Variants in ZBED6 observed in about 807,000 individuals in gnomAD.
The protein encoded by ZBED6 is zinc finger BED-type containing 6.
In ZBED6, 40 loss-of-function variants were observed where a neutral mutation model predicts 58.4. The ratio of observed to expected loss-of-function variants is 0.68; its 90% confidence interval spans 0.53 to 0.89. ZBED6 has a LOEUF of 0.89. ZBED6 is among the 40% of genes least tolerant of loss of function. The pLI is 0.00. For missense variants in ZBED6, 1,057 were observed against 1,003.9 expected (o/e 1.05, Z -0.71); for synonymous variants, 439 against 350.6 (o/e 1.25, Z -2.82).
chr1:203,849,980 A>G, exon 14 of ZBED6: 1 of 1,614,054 alleles, frequency 6.2e-7, no homozygotes, highest in Non-Finnish European at 8.5e-7. Context: ...GAGACTCATT[A>G]TTGAATGTGA....
exon 1 of ZBED6, chr1:203,797,850 G>A: frequency 5.2e-6 from 8 of 1,536,122 alleles, no homozygotes; most frequent in Non-Finnish European, 7.0e-6. Context: ...CCCTGAGCAG[G>A]ATGAAGAAAG....
chr1:203,837,981 C>T, exon 10 of ZBED6: 1 of 1,613,472 alleles, frequency 6.2e-7, no homozygotes, highest in African/African-American at 1.3e-5. Flanking sequence ...GACAGTGATC[C>T]TCCATTAAAG....
intron 1 of ZBED6, among the ~76,000 whole-genome samples, chr1:203,815,561 A>G (rs1041238158): frequency 2.0e-5 from 3 of 151,956 alleles, no homozygotes; most frequent in African/African-American, 7.2e-5. Flanking sequence ...TTTATTGTGC[A>G]TTGTTACCTT....
intron 1 of ZBED6, chr1:203,805,560 A>C: frequency 1.7e-6 from 1 of 594,478 alleles, no homozygotes; most frequent in Non-Finnish European, 3.3e-6. Flanking sequence ...GTAAATTTGG[A>C]AAGATCAGTA....
exon 17 of ZBED6, chr1:203,852,292 C>T: frequency 1.2e-6 from 2 of 1,613,604 alleles, no homozygotes; most frequent in South Asian, 1.1e-5. Context: ...TTTTGAGAAA[C>T]TAATATGGGA....
intron 13 of ZBED6, 46 bp downstream of exon 13, chr1:203,848,453 C>G (rs1443294839): frequency 6.9e-7 from 1 of 1,445,716 alleles, no homozygotes; most frequent in South Asian, 1.2e-5. Context: ...CAAACAAAGG[C>G]TAGATAATTG....
At chr1:203,838,040 A>G in exon 10 of ZBED6, 1 of 1,614,238 alleles carries the variant, frequency 6.2e-7, no homozygotes, top group Non-Finnish European at 8.5e-7. Context: ...TCCAGAAACT[A>G]ACATTGACAA....
exon 1 of ZBED6, chr1:203,796,133 A>C (rs773940136): frequency 4.5e-6 from 1 of 220,194 alleles, no homozygotes; most frequent in Non-Finnish European, 8.9e-6. Flanking sequence ...AGCCCGGAGC[A>C]GCCCCGAAAA....
chr1:203,851,522 G>A (rs923302782), intron 16 of ZBED6, among the ~76,000 whole-genome samples: 7 of 152,072 alleles, frequency 4.6e-5, no homozygotes, highest in African/African-American at 1.7e-4. Flanking sequence ...TAGTGACAGG[G>A]TTTTGCCACA....
rs966161042 is a variant in ZBED6 at position 203,796,258 on chromosome 1, G to A, written c.-1265G>A. On this transcript the variant is annotated 5_prime_UTR_variant, in exon 1 of 17. Transcript: ENST00000550078. ...GCCTAAATCAATCAGACTGAGTGCC[G>A]GGCGCTGAATTTACCTACTCTCATT... 46 of 395,004 alleles carry A rather than the reference G, an allele frequency of 1.2e-4. 1 individual carries two copies. The highest frequency in any genetic ancestry group is 1.0e-3 in the Admixed American group (23 of 22,610). 24.5% of individuals were successfully genotyped at this position (395,004 alleles called of 1,614,324 possible). A position where few individuals can be genotyped will look rare whatever the true frequency, so the allele number is the denominator to read the frequency against.
At chr1:203,848,440 T>C in intron 13 of ZBED6, 33 bp downstream of exon 13, 1 of 1,549,776 alleles carries the variant, frequency 6.5e-7, no homozygotes, top group African/African-American at 1.4e-5. Flanking sequence ...GTTTTGTTCA[T>C]GGCAAACAAA....
chr1:203,821,710 A>G (rs1056212503), intron 3 of ZBED6, among the ~76,000 whole-genome samples: 1 of 151,820 alleles, frequency 6.6e-6, no homozygotes, highest in Non-Finnish European at 1.5e-5. Flanking sequence ...GCTGAGGAAT[A>G]TATAAATGTA....
chr1:203,820,731 C>T (rs1449210143), intron 3 of ZBED6, among the ~76,000 whole-genome samples: 2 of 152,070 alleles, frequency 1.3e-5, no homozygotes. Flanking sequence ...TCACCTGCCT[C>T]AGCCTCCCAG....
chr1:203,823,028 A>G (rs1009855521), intron 3 of ZBED6, among the ~76,000 whole-genome samples: 3 of 152,214 alleles, frequency 2.0e-5, no homozygotes, highest in Admixed American at 2.0e-4. Flanking sequence ...GCAGATATCA[A>G]ATAAATTGAT....
At chr1:203,829,569 G>C (rs748440668) in exon 5 of ZBED6, 3 of 1,614,118 alleles carry the variant, frequency 1.9e-6, no homozygotes, top group Admixed American at 1.7e-5. Flanking sequence ...GGAGCGTTAT[G>C]AAAGTAGAAA....
intron 1 of ZBED6, chr1:203,805,899 A>G: frequency 1.4e-6 from 1 of 702,772 alleles, no homozygotes; most frequent in Non-Finnish European, 2.6e-6. Context: ...CAATCTGGTC[A>G]GTTTTCACTT....
At chr1:203,852,474 C>T (rs1307021591) in exon 17 of ZBED6, 3 of 1,493,766 alleles carry the variant, frequency 2.0e-6, no homozygotes, top group Non-Finnish European at 1.8e-6. Context: ...TAACATTTAC[C>T]TGAGATGATC....
exon 1 of ZBED6, chr1:203,797,612 T>C (rs1364423769): frequency 6.5e-7 from 1 of 1,535,830 alleles, no homozygotes; most frequent in Admixed American, 2.0e-5. Flanking sequence ...TTCTGGGATG[T>C]GTTCCTATTA....
intron 3 of ZBED6, among the ~76,000 whole-genome samples, chr1:203,826,769 A>C (rs980209411): frequency 6.6e-6 from 1 of 152,158 alleles, no homozygotes; most frequent in Non-Finnish European, 1.5e-5. Context: ...AGTTCATCGG[A>C]GGTTAGTTAG....
Sources: gnomAD v4.1 joint callset for allele counts (sites outside exome capture counted in the v4.1 genomes callset) on GRCh38, gnomAD v4.1.1 for gene constraint, MANE v1.5 for transcripts, NCBI Gene and HGNC (gene_info 2026-07-23, HGNC 2026-07-21) for gene names.